The following ENOX1 variants were observed in gnomAD, a reference collection of about 807,000 sequenced individuals.
ENOX1 encodes candidate growth-related and time keeping constitutive hydroquinone (NADH) oxidase.
A neutral mutation model predicts 82.5 loss-of-function variants in ENOX1; 42 were observed. The ratio of observed to expected loss-of-function variants is 0.51; its 90% CI spans 0.40 to 0.66. ENOX1 has a LOEUF of 0.66. ENOX1 is among the 30% of genes least tolerant of loss of function. The pLI is 0.00. For missense variants in ENOX1, 608 were observed against 811.6 expected, an observed-to-expected ratio of 0.75 and a Z score of 3.05; for synonymous variants, 271 against 282.2, an observed-to-expected ratio of 0.96 and a Z score of 0.40.
chr13:43,267,294 TCA>T (rs1050357989), intron 13 of ENOX1, among the ~76,000 whole-genome samples: 2 of 152,198 alleles, frequency 1.3e-5, no homozygotes, highest in South Asian at 2.1e-4. Flanking sequence ...GAAGCTATCC[TCA>T]TTGTAAATGA....
At position 43,445,454 on chromosome 13, in the gene ENOX1, T is replaced by A. The variant is rs561856522; in HGVS notation, c.-74-32466A>T. Among the ~76,000 whole-genome samples, 30 of 152,152 alleles carry A rather than the reference T, an allele frequency of 2.0e-4. 2 individuals carry two copies. Among genetic ancestry groups the A allele is most frequent in the South Asian group, 4.2e-4 (2 of 4,814 alleles). On this transcript the variant is annotated intron_variant, in intron 3 of 16. Coordinates refer to ENST00000690772, the MANE Select transcript of ENOX1 (RefSeq NM_001347969.2). ...CTGGGTCTTATACATTTCTTTTTTT[T>A]AAAAAAGCCACTGCAATAACAACAA...
intron 3 of ENOX1, among the ~76,000 whole-genome samples, chr13:43,473,133 G>A (rs144596348): frequency 1.3e-5 from 2 of 152,078 alleles, no homozygotes; most frequent in Non-Finnish European, 2.9e-5. Context: ...TCTTCACATC[G>A]TCTCTCAATT....
chr13:43,417,242 C>CGGGAGAGGGAGAGGGAGG (rs2054669445), intron 3 of ENOX1, among the ~76,000 whole-genome samples: 1 of 82,770 alleles, frequency 1.2e-5, no homozygotes. Flanking sequence ...AGACGGGAGA[C>CGGGAGAGGGAGAGGGAGG]GGGAGAGGGA....
At chr13:43,306,822 T>A (rs867808911) in intron 11 of ENOX1, among the ~76,000 whole-genome samples, 1 of 55,540 alleles carries the variant, frequency 1.8e-5, no homozygotes, top group Middle Eastern at 8.8e-3. Context: ...ACCCTCTACA[T>A]AGAAACACAC....
intron 2 of ENOX1, among the ~76,000 whole-genome samples, chr13:43,541,647 T>G (rs1405533262): frequency 1.3e-5 from 2 of 152,232 alleles, no homozygotes; most frequent in Non-Finnish European, 2.9e-5. Context: ...GAAAGTTTCA[T>G]CGTATTGCAT....
intron 2 of ENOX1, among the ~76,000 whole-genome samples, chr13:43,569,193 T>C (rs1350080885): frequency 6.6e-6 from 1 of 152,164 alleles, no homozygotes. Context: ...TATACTGATA[T>C]AAAAATGACC....
intron 3 of ENOX1, among the ~76,000 whole-genome samples, chr13:43,444,986 C>T (rs1442482996): frequency 6.6e-6 from 1 of 152,172 alleles, no homozygotes; most frequent in Non-Finnish European, 1.5e-5. Context: ...TATGTGAACT[C>T]GGGCTGGTCA....
chr13:43,568,373 C>T (rs2080012823), intron 2 of ENOX1, among the ~76,000 whole-genome samples: 1 of 152,060 alleles, frequency 6.6e-6, no homozygotes, highest in African/African-American at 2.4e-5. Context: ...CAGCTTTTGC[C>T]AAAGAAGAGT....
chr13:43,522,434 A>T (rs778549713), intron 2 of ENOX1, among the ~76,000 whole-genome samples: 15 of 152,252 alleles, frequency 9.9e-5, no homozygotes, highest in Non-Finnish European at 2.2e-4. Context: ...CAAAATACAG[A>T]AATTTGTCCT....
At chr13:43,645,181 G>A (rs2083836961) in intron 2 of ENOX1, among the ~76,000 whole-genome samples, 1 of 152,060 alleles carries the variant, frequency 6.6e-6, no homozygotes, top group South Asian at 2.1e-4. Flanking sequence ...TTTAGAGAAG[G>A]GTTTCACTCT....
At chr13:43,417,938 G>A (rs1162084306) in intron 3 of ENOX1, among the ~76,000 whole-genome samples, 1 of 152,188 alleles carries the variant, frequency 6.6e-6, no homozygotes, top group South Asian at 2.1e-4. Flanking sequence ...GCCAGGTGCG[G>A]TGACTCACAC....
At chr13:43,528,236 G>A (rs961886853) in intron 2 of ENOX1, among the ~76,000 whole-genome samples, 1 of 152,016 alleles carries the variant, frequency 6.6e-6, no homozygotes, top group African/African-American at 2.4e-5. Context: ...TAATATAAAG[G>A]GTACAGAAGC....
intron 3 of ENOX1, 115 bp from the exon 4 acceptor site, chr13:43,413,103 AG>A (rs2054232594): frequency 9.3e-7 from 1 of 1,079,952 alleles, no homozygotes. Context: ...TTCCAGTCTC[AG>A]GCACAGAAGA....
chr13:43,630,923 GTGTGTGTGTT>G (rs1320472090), intron 2 of ENOX1, among the ~76,000 whole-genome samples: 2 of 133,332 alleles, frequency 1.5e-5, no homozygotes, highest in Non-Finnish European at 3.4e-5. Context: ...GCGTATATGT[GTGTGTGTGTT>G]TGTGTGTGTG....
At chr13:43,742,369 G>A (rs1949784178) in intron 1 of ENOX1, among the ~76,000 whole-genome samples, 1 of 151,986 alleles carries the variant, frequency 6.6e-6, no homozygotes, top group African/African-American at 2.4e-5. Flanking sequence ...TCAATGTCCA[G>A]TCAAAGACAG....
At chr13:43,223,720 GC>G (rs1256198446) in intron 16 of ENOX1, among the ~76,000 whole-genome samples, 4 of 152,174 alleles carry the variant, frequency 2.6e-5, no homozygotes, top group African/African-American at 9.7e-5. Context: ...TGAGGATAAT[GC>G]CCTATTAGCC....
chr13:43,391,780 C>A (rs1279162090), intron 5 of ENOX1, among the ~76,000 whole-genome samples: 1 of 152,166 alleles, frequency 6.6e-6, no homozygotes, highest in African/African-American at 2.4e-5. Context: ...TTAACTGATT[C>A]TCTTGCTTCT....
At chr13:43,511,097 T>C (rs2077351244) in intron 2 of ENOX1, among the ~76,000 whole-genome samples, 1 of 152,180 alleles carries the variant, frequency 6.6e-6, no homozygotes, top group Admixed American at 6.6e-5. Flanking sequence ...AAGAGCTCAA[T>C]GGAGCTACAG....
At position 43,711,977 on chromosome 13, in the gene ENOX1, T is replaced by C. The variant is rs1372771774; in HGVS notation, c.-284-44433A>G. On this transcript the variant is annotated intron_variant, in intron 1 of 16. Transcript: ENST00000690772. ...TTTGTTGCCATTGCTTTTGGTGTTT[T>C]AGACACGAAGTCCTTGCCCATGCCT... 2.0e-5 allele frequency among the ~76,000 whole-genome samples: 3 copies of C among 146,374 alleles called. No individual in the cohort carries two copies. In the East Asian group the frequency reaches 6.0e-4, roughly 30 times the overall value.
Sources: allele counts gnomAD v4.1 joint callset (sites outside exome capture counted in the v4.1 genomes callset), GRCh38; gene constraint gnomAD v4.1.1; transcripts MANE v1.5; gene names NCBI Gene and HGNC (gene_info 2026-07-23, HGNC 2026-07-21).